JPH2: variants seen among roughly 807,000 people sequenced by gnomAD.
The protein encoded by JPH2 is junctophilin 2, also known as junctophilin-2.
JPH2 carries 38 observed loss-of-function variants against 55.9 expected under a neutral mutation model. The observed-to-expected ratio is 0.68, with a 90% CI of 0.52 to 0.89. JPH2 has a LOEUF of 0.89. Ranked by LOEUF, JPH2 falls within the 40% of genes least tolerant of loss-of-function variation. The pLI, the probability that JPH2 is intolerant of heterozygous loss-of-function variation, is 0.00. For synonymous variants in JPH2, 480 were observed against 472.4 expected (o/e 1.02, Z -0.21); for missense variants, 964 against 1,037.6 (o/e 0.93, Z 0.97).
intron 2 of JPH2, among the ~76,000 whole-genome samples, chr20:44,138,988 C>T (rs891054420): frequency 6.6e-6 from 1 of 152,162 alleles, no homozygotes; most frequent in Non-Finnish European, 1.5e-5. Context: ...GCCTTTGCCT[C>T]GCCTCGTCCT....
Position 44,159,983 on chromosome 20 carries a change from C to G in JPH2, c.804G>C (p.Glu268Asp). The G allele has an allele frequency of 6.3e-7, 1 of 1,589,262 alleles. No individual in the cohort carries two copies. The highest frequency in any genetic ancestry group is 8.5e-7 in the Non-Finnish European group (1 of 1,172,612). The change falls in exon 2 of 6, where the codon GAG becomes GAC. Residue 268 changes from glutamate (E) to aspartate (D), a missense_variant. Physicochemically the swap from Glu to Asp is conservative, Grantham distance 45 (BLOSUM62 2). Transcript: ENST00000372980. This position sits in a 1 kb window ranked among gnomAD's most constrained non-coding sequence, Gnocchi z 5.7. ...SDAASTASLG[E>D]AAEGADEAAP... is the part of the protein sequence containing the mutation. ...CGGCCTCGTCGGCGCCCTCGGCGGCCTCTCCCAGGCTGGCGGTGGACGCGG... is the reference window on the plus strand; with the variant it reads ...CGGCCTCGTCGGCGCCCTCGGCGGCGTCTCCCAGGCTGGCGGTGGACGCGG...
At chr20:44,116,439 G>T in intron 3 of JPH2, 53 bp from the exon 4 acceptor site, 1 of 1,534,798 alleles carries the variant, frequency 6.5e-7, no homozygotes, top group South Asian at 1.2e-5. Context: ...ACTGTTGGGT[G>T]ATCCTGGGCC....
chr20:44,134,670 ATATATT>A lies in JPH2; in HGVS notation c.1170-16053_1170-16048del, dbSNP rs1569195131. 7.9e-4 allele frequency among the ~76,000 whole-genome samples: 26 copies of A among 32,988 alleles called. 1 individual carries two copies. Among genetic ancestry groups the A allele is most frequent in the Non-Finnish European group, 1.0e-3 (21 of 20,522 alleles). The allele number at this position is 32,988 out of a possible 152,430, so 21.6% of individuals were successfully genotyped here. A position where few individuals can be genotyped will look rare whatever the true frequency, so the allele number is the denominator to read the frequency against. ...ATATTTATTATAAATATATATAAAT[ATATATT>A]TATAAATATTATAAATATATATACA... is the stretch of plus-strand genomic sequence containing the variant. On this transcript the variant is annotated intron_variant, in intron 2 of 5. Coordinates refer to ENST00000372980, the MANE Select transcript of JPH2 (RefSeq NM_020433.5).
At chr20:44,120,893 C>G (rs1031819049) in intron 2 of JPH2, among the ~76,000 whole-genome samples, 2 of 152,194 alleles carry the variant, frequency 1.3e-5, no homozygotes, top group African/African-American at 4.8e-5. Context: ...TGTGCCAGAG[C>G]CTGTGCCAGG....
intron 1 of JPH2, among the ~76,000 whole-genome samples, chr20:44,179,957 C>G (rs6031439): frequency 0.2 from 29,772 of 152,154 alleles, 3,579 homozygotes; most frequent in African/African-American, 0.34. Flanking sequence ...CAGTGGCTCA[C>G]CCCTGTAATC....
At chr20:44,125,706 G>A (rs1341368035) in intron 2 of JPH2, among the ~76,000 whole-genome samples, 1 of 152,204 alleles carries the variant, frequency 6.6e-6, no homozygotes, top group African/African-American at 2.4e-5. Context: ...AAACCACATG[G>A]TGGAGTGGCA....
chr20:44,178,215 C>T (rs2072751144), intron 1 of JPH2, among the ~76,000 whole-genome samples: 1 of 151,974 alleles, frequency 6.6e-6, no homozygotes, highest in South Asian at 2.1e-4. Context: ...AAAACAAAAA[C>T]AAAAAGATCC....
intron 2 of JPH2, among the ~76,000 whole-genome samples, chr20:44,144,415 C>T (rs890906825): frequency 1.5e-4 from 23 of 152,248 alleles, no homozygotes; most frequent in Admixed American, 7.8e-4. Flanking sequence ...CTCGTATTGT[C>T]CTCACCATAA....
At position 44,115,782 on chromosome 20, in the gene JPH2, G is replaced by A. The variant is rs760865721; in HGVS notation, c.1893C>T (p.Ala631=). 3 of 1,610,696 alleles carry A rather than the reference G, an allele frequency of 1.9e-6. No homozygotes were observed. The highest frequency in any genetic ancestry group is 2.2e-5 in the East Asian group (1 of 44,864). Residue 631 remains alanine (A), a synonymous_variant, in exon 4 of 6, where the codon GCC becomes GCT. Coordinates refer to ENST00000372980, the MANE Select transcript of JPH2 (RefSeq NM_020433.5). ...TCTTGCGGGCCTTGGCCCTGGGCTC[G>A]GCTTTGGGGATGATGGGCTTGGGCT... ...KLEPKPIIPK[A]EPRAKARKTE...
intron 2 of JPH2, among the ~76,000 whole-genome samples, chr20:44,126,211 G>C (rs934929788): frequency 2.7e-5 from 4 of 145,482 alleles, no homozygotes; most frequent in South Asian, 2.4e-4. Context: ...AGGAAGAAGG[G>C]GGGGAGGGGG....
rs2072348161 is a variant in JPH2, at chr20:44,134,004, A to AATATATATTATTATAAATATATATAAAT, written c.1170-15382_1170-15381insATTTATATATATTTATAATAATATATAT. On this transcript the variant is annotated intron_variant, in intron 2 of 5. Coordinates refer to ENST00000372980, the MANE Select transcript of JPH2 (RefSeq NM_020433.5). Reference sequence around the variant, plus strand: ...ATATATATTATTATAAATATATATAAATATATATATTATAAATATATATAA... The same window carrying AATATATATTATTATAAATATATATAAAT: ...ATATATATTATTATAAATATATATAAATATATATTATTATAAATATATATAAATATATATATATTATAAATATATATAA... 6.5e-5 allele frequency among the ~76,000 whole-genome samples: 2 copies of AATATATATTATTATAAATATATATAAAT among 30,742 alleles called. 1 individual carries two copies. The highest frequency in any genetic ancestry group is 1.1e-4 in the Non-Finnish European group (2 of 18,336). The allele number at this position is 30,742 out of a possible 152,430, so 20.2% of individuals were successfully genotyped here.
chr20:44,106,770 C>T lies in JPH2; in HGVS notation c.*6748G>A, dbSNP rs2072111580. Reference sequence around the variant, plus strand: ...TCGATCTCATGAGACTTATTCACTACCACGAGAACGGCACGGGAAAGGCTT... The same window carrying T: ...TCGATCTCATGAGACTTATTCACTATCACGAGAACGGCACGGGAAAGGCTT... On this transcript the variant is annotated 3_prime_UTR_variant, in exon 6 of 6. Transcript: ENST00000372980. Among the ~76,000 whole-genome samples the T allele has an allele frequency of 6.6e-6, 1 of 152,070 alleles. No homozygotes were observed. The highest frequency in any genetic ancestry group is 1.5e-5 in the Non-Finnish European group (1 of 68,016).
At chr20:44,149,963 GAAAAA>G (rs67234498) in intron 2 of JPH2, among the ~76,000 whole-genome samples, 1 of 11,456 alleles carries the variant, frequency 8.7e-5, no homozygotes, top group African/African-American at 4.7e-4. Flanking sequence ...GGCGACAGAG[GAAAAA>G]AAAAAAAAAA....
chr20:44,183,438 C>T (rs932996109), intron 1 of JPH2, among the ~76,000 whole-genome samples: 2 of 152,228 alleles, frequency 1.3e-5, no homozygotes, highest in African/African-American at 2.4e-5. Context: ...CCAGCGACCT[C>T]GTTAACTTCC....
At chr20:44,169,892 C>T (rs906104688) in intron 1 of JPH2, among the ~76,000 whole-genome samples, 4 of 152,166 alleles carry the variant, frequency 2.6e-5, no homozygotes, top group Non-Finnish European at 4.4e-5. Flanking sequence ...GCCCTCTCAT[C>T]ACATGACACC....
In JPH2 at chr20:44,109,095, G is replaced by A. The variant is rs576469844; in HGVS notation, c.*4423C>T. Among the ~76,000 whole-genome samples, 77 of 152,268 alleles carry A rather than the reference G, an allele frequency of 5.1e-4. No individual in the cohort carries two copies. Among genetic ancestry groups the A allele is most frequent in the Admixed American group, 1.0e-3 (16 of 15,300 alleles). On this transcript the variant is annotated 3_prime_UTR_variant, in exon 6 of 6. Coordinates refer to ENST00000372980, the MANE Select transcript of JPH2 (RefSeq NM_020433.5). ...GCATCTCCCCTCAGCTGGCTCATCTGCAGTGATGGGAAGCTCACTCTTTCA... is the reference window on the plus strand; with the variant it reads ...GCATCTCCCCTCAGCTGGCTCATCTACAGTGATGGGAAGCTCACTCTTTCA...
intron 3 of JPH2, among the ~76,000 whole-genome samples, 178 bp from the exon 4 acceptor site, chr20:44,116,564 T>C (rs2072194558): frequency 6.6e-6 from 1 of 152,180 alleles, no homozygotes; most frequent in Admixed American, 6.5e-5. Context: ...CTAATCCCTG[T>C]AGTATCCCTA....
chr20:44,164,219 T>G (rs1445038744), intron 1 of JPH2, among the ~76,000 whole-genome samples: 1 of 152,114 alleles, frequency 6.6e-6, no homozygotes, highest in African/African-American at 2.4e-5. Flanking sequence ...AATGGGAAGT[T>G]GGATAGATGG....
chr20:44,162,990 G>A (rs1220646051), intron 1 of JPH2, among the ~76,000 whole-genome samples: 1 of 150,908 alleles, frequency 6.6e-6, no homozygotes, highest in Non-Finnish European at 1.5e-5. Context: ...TTCCAAAATT[G>A]CAATCTGCCT....
Sources: gnomAD v4.1 joint callset for allele counts (sites outside exome capture counted in the v4.1 genomes callset) on GRCh38, gnomAD v4.1.1 for gene constraint, Gnocchi (gnomAD v3.1) non-coding constraint, MANE v1.5 for transcripts, NCBI Gene and HGNC (gene_info 2026-07-23, HGNC 2026-07-21) for gene names.